Variants in IQCH observed in about 807,000 individuals in gnomAD.
IQCH encodes the protein IQ motif containing H.
Under a neutral mutation model 117.0 loss-of-function variants are expected in IQCH, and 98 were observed. The observed-to-expected ratio is 0.84, with a 90% CI of 0.71 to 0.99. The LOEUF (loss-of-function observed/expected upper bound fraction) is 0.99. Ranked by LOEUF, IQCH falls within the 50% of genes least tolerant of loss-of-function variation. IQCH has a pLI of 0.00. For missense variants in IQCH, 1,102 were observed against 1,243.8 expected (o/e 0.89, Z 1.72); for synonymous variants, 412 against 448.2 (o/e 0.92, Z 1.02).
In IQCH at chr15:67,395,425, T is replaced by C. The variant is rs1432336186; in HGVS notation, c.1767T>C (p.Asp589=). 2 of 1,613,986 alleles carry C rather than the reference T, an allele frequency of 1.2e-6. No homozygotes were observed. The highest frequency in any genetic ancestry group is 2.7e-5 in the African/African-American group (2 of 74,922). ...LLHRDDLAVA[D]MLDIPILGSE... ...ACAGAGATGATTTAGCTGTGGCCGA[T>C]ATGTTAGACATACCCATCCTGGGCT... Residue 589 remains aspartate (D), a synonymous_variant, in exon 13 of 21, where the codon GAT becomes GAC. Coordinates refer to ENST00000335894, the MANE Select transcript of IQCH (RefSeq NM_001031715.3). The surrounding 1 kb of genome is among the most constrained non-coding windows in gnomAD (Gnocchi z 4.0).
intron 18 of IQCH, among the ~76,000 whole-genome samples, chr15:67,485,371 C>G (rs1444654948): frequency 6.6e-6 from 1 of 152,072 alleles, no homozygotes; most frequent in Non-Finnish European, 1.5e-5. Context: ...TTCCAACTTA[C>G]ACACAGAGGG....
At chr15:67,421,638 C>CCT (rs1731674664) in intron 16 of IQCH, 61 bp downstream of exon 16, 1 of 1,527,086 alleles carries the variant, frequency 6.5e-7, no homozygotes, top group South Asian at 1.2e-5. Flanking sequence ...ACCCTACACA[C>CCT]CTACAGTACA....
intron 4 of IQCH, among the ~76,000 whole-genome samples, chr15:67,323,096 C>T (rs78387084): frequency 0.01 from 1,597 of 152,226 alleles, 26 homozygotes; most frequent in African/African-American, 0.037. Context: ...TCTCAGCCTT[C>T]GTCAGTTTTC....
intron 3 of IQCH, among the ~76,000 whole-genome samples, chr15:67,269,527 C>T (rs1361260625): frequency 6.6e-6 from 1 of 152,118 alleles, no homozygotes; most frequent in Non-Finnish European, 1.5e-5. Context: ...TTGAAATGTA[C>T]AGTAGAGTAG....
At chr15:67,415,931 T>C (rs1246268797) in intron 14 of IQCH, among the ~76,000 whole-genome samples, 1 of 152,080 alleles carries the variant, frequency 6.6e-6, no homozygotes, top group African/African-American at 2.4e-5. Context: ...TGCATGGTGG[T>C]GTGTACATGT....
rs1324632189 is a variant in IQCH at position 67,430,347 on chromosome 15, C to T, written c.2505+8770C>T. 5 of 152,124 alleles carry T rather than the reference C, an allele frequency of 3.3e-5. No individual in the cohort carries two copies. Among genetic ancestry groups the T allele is most frequent in the African/African-American group, 1.2e-4 (5 of 41,402 alleles). The allele number at this position is 152,124 out of a possible 1,614,324, so 9.4% of individuals were successfully genotyped here. On this transcript the variant is annotated intron_variant, in intron 16 of 20. Coordinates refer to ENST00000335894, the MANE Select transcript of IQCH (RefSeq NM_001031715.3). This position sits in a 1 kb window ranked among gnomAD's most constrained non-coding sequence, Gnocchi z 5.1. The stretch of plus-strand genomic sequence containing the variant: ...AAAGGCTTTAAGTTGAGGAGGATGA[C>T]AAGTTCATTGAACAAACACCTTCAG...
chr15:67,435,603 T>C (rs1278884566), intron 16 of IQCH, among the ~76,000 whole-genome samples: 1 of 151,996 alleles, frequency 6.6e-6, no homozygotes, highest in African/African-American at 2.4e-5. Context: ...CTGGGTGTGG[T>C]GGCTCACACC....
At chr15:67,434,983 CTTTG>C (rs1236928334) in intron 16 of IQCH, among the ~76,000 whole-genome samples, 4 of 50,958 alleles carry the variant, frequency 7.8e-5, no homozygotes, top group Admixed American at 2.4e-4. Context: ...TATTTTGTAT[CTTTG>C]TTTTTTTTTT....
Position 67,369,993 on chromosome 15 carries a change from A to G in IQCH, c.754-2118A>G, listed in dbSNP as rs1970469311. 6.6e-6 allele frequency among the ~76,000 whole-genome samples: 1 copy of G among 152,208 alleles called. No individual in the cohort carries two copies. Among genetic ancestry groups the G allele is most frequent in the African/African-American group, 2.4e-5 (1 of 41,444 alleles). On this transcript the variant is annotated intron_variant, in intron 8 of 20. Transcript: ENST00000335894. The surrounding 1 kb of genome is among the most constrained non-coding windows in gnomAD (Gnocchi z 5.2). ...GCAGGTCTTTGCTGGAATATCATCCAAGAAGGTAGAAAGGTGTAATCCCTT... is the reference window on the plus strand; with the variant it reads ...GCAGGTCTTTGCTGGAATATCATCCGAGAAGGTAGAAAGGTGTAATCCCTT...
intron 3 of IQCH, among the ~76,000 whole-genome samples, chr15:67,272,105 A>G (rs369602957): frequency 6.6e-6 from 1 of 151,950 alleles, no homozygotes; most frequent in African/African-American, 2.4e-5. Flanking sequence ...TAATTTTGGT[A>G]TGTTGTATTT....
At chr15:67,322,372 T>C (rs181467186) in intron 4 of IQCH, among the ~76,000 whole-genome samples, 153 of 152,364 alleles carry the variant, frequency 1.0e-3, no homozygotes, top group Middle Eastern at 3.4e-3. Flanking sequence ...AACCTGTGTC[T>C]TTAAAATTAA....
chr15:67,389,073 C>T lies in IQCH; in HGVS notation c.1632+67C>T, dbSNP rs191650647. Reference sequence around the variant, plus strand: ...AAAATTAAATTGGAAATTTTAATAACTTGCAACGCTCTGGTACACATCAGT... The same window carrying T: ...AAAATTAAATTGGAAATTTTAATAATTTGCAACGCTCTGGTACACATCAGT... On this transcript the variant is annotated intron_variant, in intron 12 of 20. Transcript: ENST00000335894. 2.0e-3 allele frequency: 2,496 copies of T among 1,232,474 alleles called. 8 individuals are homozygous for T. The highest frequency in any genetic ancestry group is 2.5e-3 in the Non-Finnish European group (2,131 of 849,278). The allele number at this position is 1,232,474 out of a possible 1,614,324, so 76.3% of individuals were successfully genotyped here. A position where few individuals can be genotyped will look rare whatever the true frequency, so the allele number is the denominator to read the frequency against.
chr15:67,288,557 G>A (rs765838854), intron 4 of IQCH, among the ~76,000 whole-genome samples: 3 of 151,970 alleles, frequency 2.0e-5, no homozygotes, highest in Non-Finnish European at 4.4e-5. Flanking sequence ...GTCTGGTATA[G>A]CTACTCCTGC....
rs992064996 is a variant in IQCH, at chr15:67,448,629, G to A, written c.2506-16498G>A. Among the ~76,000 whole-genome samples the A allele has an allele frequency of 2.1e-4, 32 of 151,974 alleles. 1 individual carries two copies. Among genetic ancestry groups the A allele is most frequent in the African/African-American group, 7.5e-4 (31 of 41,340 alleles). On this transcript the variant is annotated intron_variant, in intron 16 of 20. Transcript: ENST00000335894. ...TTTCTTAATCCAGTCTATCGTTGTT[G>A]GACATTTAGGTTGGTTCCAAGTCTT...
At chr15:67,483,277 T>C (rs1291168152) in intron 18 of IQCH, among the ~76,000 whole-genome samples, 4 of 152,200 alleles carry the variant, frequency 2.6e-5, no homozygotes, top group Non-Finnish European at 4.4e-5. Flanking sequence ...TCCCAACACT[T>C]TGGGAGGTTG....
At chr15:67,409,733 G>A (rs550395074) in intron 14 of IQCH, among the ~76,000 whole-genome samples, 6 of 152,178 alleles carry the variant, frequency 3.9e-5, no homozygotes, top group African/African-American at 1.2e-4. Flanking sequence ...TGTCTTTGCC[G>A]CTTTCAGCAG....
At chr15:67,439,881 T>G (rs151338802) in intron 16 of IQCH, among the ~76,000 whole-genome samples, 8 of 140,650 alleles carry the variant, frequency 5.7e-5, no homozygotes, top group African/African-American at 2.1e-4. Flanking sequence ...AGAGCAAAAC[T>G]CCGTCTCAAA....
At chr15:67,446,980 T>C (rs2082405917) in intron 16 of IQCH, among the ~76,000 whole-genome samples, 1 of 152,168 alleles carries the variant, frequency 6.6e-6, no homozygotes, top group Non-Finnish European at 1.5e-5. Context: ...CCCTCTCACA[T>C]TCTGCCAAGC....
intron 16 of IQCH, among the ~76,000 whole-genome samples, chr15:67,462,876 A>G (rs2082832575): frequency 6.6e-6 from 1 of 152,224 alleles, no homozygotes; most frequent in African/African-American, 2.4e-5. Context: ...ATTTCATGCC[A>G]TACAGCAGGA....
Sources: gnomAD v4.1 joint callset for allele counts (sites outside exome capture counted in the v4.1 genomes callset) on GRCh38, gnomAD v4.1.1 for gene constraint, Gnocchi (gnomAD v3.1) non-coding constraint, MANE v1.5 for transcripts, NCBI Gene and HGNC (gene_info 2026-07-23, HGNC 2026-07-21) for gene names.